DCBLD1: variants seen among roughly 807,000 people sequenced by gnomAD.
The protein encoded by DCBLD1 is discoidin, CUB and LCCL domain-containing protein 1.
In DCBLD1, 57 loss-of-function variants were observed where a neutral mutation model predicts 71.5. That is an observed-to-expected ratio of 0.80 (90% confidence interval 0.64 to 0.99). The LOEUF is 0.99. Among genes scored for constraint, DCBLD1 ranks in the 50% least tolerant of loss-of-function variants. The probability of loss-of-function intolerance (pLI) is 0.00; values close to 1 mark genes in which losing one functional copy is unlikely to be tolerated. For synonymous variants in DCBLD1, 380 were observed against 363.8 expected, an observed-to-expected ratio of 1.04 and a Z score of -0.51; for missense variants, 891 against 923.5, an observed-to-expected ratio of 0.96 and a Z score of 0.46.
chr6:117,488,599 G>A (rs888702199), intron 1 of DCBLD1, among the ~76,000 whole-genome samples: 1 of 152,158 alleles, frequency 6.6e-6, no homozygotes, highest in Non-Finnish European at 1.5e-5. Context: ...GAGCTGTGAT[G>A]CTGCCACCGT....
At chr6:117,563,374 C>T in intron 14 of DCBLD1, 1 of 1,612,766 alleles carries the variant, frequency 6.2e-7, no homozygotes, top group South Asian at 1.1e-5. Context: ...TTACTGCCTT[C>T]TTATTAAATC....
intron 5 of DCBLD1, 29 bp downstream of exon 5, chr6:117,525,463 T>C: frequency 7.0e-7 from 1 of 1,435,236 alleles, no homozygotes; most frequent in Non-Finnish European, 9.2e-7. Context: ...TGGCAGAGAA[T>C]GAATTAAAAG....
intron 11 of DCBLD1, among the ~76,000 whole-genome samples, chr6:117,541,326 GAA>G: frequency 6.6e-6 from 1 of 151,734 alleles, no homozygotes; most frequent in South Asian, 2.1e-4. Context: ...AAAAAAAATG[GAA>G]ATATAGAAAT....
chr6:117,547,961 C>T lies in DCBLD1; in HGVS notation c.1670C>T (p.Thr557Ile), dbSNP rs1779325776. 1 of 1,550,620 alleles carries T rather than the reference C, an allele frequency of 6.4e-7. No individual in the cohort carries two copies. Among genetic ancestry groups the T allele is most frequent in the African/African-American group, 1.4e-5 (1 of 73,184 alleles). ...GTGTVTRKGS[T>I]FRPMDTDAEE... is the part of the protein sequence containing the mutation. ...GGGACAGTCACGAGGAAGGGCTCCA[C>T]CTTCCGGCCCATGGACACGGATGCC... Residue 557 changes from threonine to isoleucine, a missense_variant, in exon 15 of 15, where the codon ACC becomes ATC. Physicochemically the swap from Thr to Ile is moderately conservative, Grantham distance 89. Transcript: ENST00000338728.
intron 1 of DCBLD1, among the ~76,000 whole-genome samples, chr6:117,496,431 G>C (rs1163091386): frequency 6.6e-6 from 1 of 152,174 alleles, no homozygotes; most frequent in Non-Finnish European, 1.5e-5. Flanking sequence ...TTGAAGAAGA[G>C]CAAAGTTTCT....
chr6:117,538,548 TGTG>T, intron 7 of DCBLD1, 69 bp from the exon 8 acceptor site: 1 of 1,392,516 alleles, frequency 7.2e-7, no homozygotes, highest in Non-Finnish European at 1.0e-6. Flanking sequence ...CTAGGTGAGA[TGTG>T]GTACTACTTT....
At chr6:117,559,707 G>GTGTT (rs1201788091) in intron 14 of DCBLD1, among the ~76,000 whole-genome samples, 3 of 152,166 alleles carry the variant, frequency 2.0e-5, no homozygotes, top group Non-Finnish European at 4.4e-5. Context: ...TACTTTTAAA[G>GTGTT]TGTTTCTTTA....
chr6:117,532,439 C>A, intron 6 of DCBLD1, 46 bp downstream of exon 6: 1 of 1,516,124 alleles, frequency 6.6e-7, no homozygotes, highest in Non-Finnish European at 8.8e-7. Flanking sequence ...AGAAGGTAAC[C>A]CTGAAGGATA....
At position 117,549,701 on chromosome 6, in the gene DCBLD1, A is replaced by C. The variant is rs563277758; in HGVS notation, c.*1262A>C. ...TGGGGGTGCTGGAAGGTCATGGCAGACTAGCTGCTGGTTAGTGTGGAGGGG... is the reference window on the plus strand; with the variant it reads ...TGGGGGTGCTGGAAGGTCATGGCAGCCTAGCTGCTGGTTAGTGTGGAGGGG... On this transcript the variant is annotated 3_prime_UTR_variant, in exon 15 of 15. Transcript: ENST00000338728. 2.9e-4 allele frequency: 281 copies of C among 985,472 alleles called. No homozygotes were observed. Among genetic ancestry groups the C allele is most frequent in the Middle Eastern group, 1.0e-3 (2 of 1,914 alleles). The allele number at this position is 985,472 out of a possible 1,614,324, so 61.0% of individuals were successfully genotyped here.
chr6:117,487,296 C>G (rs1361294193), intron 1 of DCBLD1, among the ~76,000 whole-genome samples: 1 of 152,100 alleles, frequency 6.6e-6, no homozygotes, highest in Non-Finnish European at 1.5e-5. Flanking sequence ...AGTGAAAACA[C>G]AATTCCTGCC....
Position 117,508,773 on chromosome 6 carries a change from G to C in DCBLD1, c.325+4794G>C, listed in dbSNP as rs183582652. 1.6e-4 allele frequency among the ~76,000 whole-genome samples: 25 copies of C among 152,258 alleles called. No individual in the cohort carries two copies. The East Asian group carries it at 4.8e-3, about 29-fold the overall frequency. ...GACCTCCACACTGGATGGAGTTTGG[G>C]GTGGGTCCGGGACTGCCTGAAGAGC... On this transcript the variant is annotated intron_variant, in intron 2 of 14. Transcript: ENST00000338728.
downstream of DCBLD1, among the ~76,000 whole-genome samples, chr6:117,550,371 T>G (rs1779408123): frequency 6.6e-6 from 1 of 152,228 alleles, no homozygotes; most frequent in Non-Finnish European, 1.5e-5. Context: ...AGAAAAATTT[T>G]ACATCTTTCT....
chr6:117,561,392 C>T (rs1779581441), intron 14 of DCBLD1: 1 of 224,408 alleles, frequency 4.5e-6, no homozygotes. Flanking sequence ...CATGGCCATT[C>T]CATCCCAGGC....
chr6:117,516,312 G>T (rs975908373), intron 2 of DCBLD1, among the ~76,000 whole-genome samples: 11 of 149,858 alleles, frequency 7.3e-5, no homozygotes, highest in Non-Finnish European at 1.2e-4. Flanking sequence ...AGTGAGCCGA[G>T]ATCATGCCAC....
Position 117,548,538 on chromosome 6 carries a change from G to GTGTGTGTGTACACTTGCA in DCBLD1, c.*109_*126dup. The GTGTGTGTGTACACTTGCA allele has an allele frequency of 6.6e-7, 1 of 1,509,396 alleles. No individual in the cohort carries two copies. Among genetic ancestry groups the GTGTGTGTGTACACTTGCA allele is most frequent in the African/African-American group, 1.4e-5 (1 of 72,344 alleles). The allele number at this position is 1,509,396 out of a possible 1,614,324, so 93.5% of individuals were successfully genotyped here. A position where few individuals can be genotyped will look rare whatever the true frequency, so the allele number is the denominator to read the frequency against. ...TGGTCCAGAGTGTGCGTGTGTATCG[G>GTGTGTGTGTACACTTGCA]TGTGTGTGTACACTTGCATGTGTGT... On this transcript the variant is annotated 3_prime_UTR_variant, in exon 15 of 15. Transcript: ENST00000338728.
At chr6:117,544,639 T>C in intron 13 of DCBLD1, 62 bp downstream of exon 13, 2 of 1,594,030 alleles carry the variant, frequency 1.3e-6, no homozygotes, top group East Asian at 2.2e-5. Context: ...GATCTGCTGA[T>C]TGAAAGCATA....
chr6:117,499,679 A>G (rs1490734864), intron 1 of DCBLD1, among the ~76,000 whole-genome samples: 2 of 152,186 alleles, frequency 1.3e-5, no homozygotes, highest in Non-Finnish European at 2.9e-5. Flanking sequence ...ACAATACCAT[A>G]TCACAACCAG....
At chr6:117,537,463 G>A (rs1425448331) in intron 7 of DCBLD1, among the ~76,000 whole-genome samples, 7 of 151,472 alleles carry the variant, frequency 4.6e-5, no homozygotes, top group Admixed American at 3.3e-4. Flanking sequence ...GAACCCGGGA[G>A]GCGGAGCTTG....
intron 7 of DCBLD1, among the ~76,000 whole-genome samples, chr6:117,537,453 G>A (rs1234085656): frequency 6.6e-6 from 1 of 150,972 alleles, no homozygotes; most frequent in Non-Finnish European, 1.5e-5. Flanking sequence ...AGAATGGCGT[G>A]AACCCGGGAG....
Sources: gnomAD v4.1 joint callset for allele counts (sites outside exome capture counted in the v4.1 genomes callset) on GRCh38, gnomAD v4.1.1 for gene constraint, MANE v1.5 for transcripts, NCBI Gene and HGNC (gene_info 2026-07-23, HGNC 2026-07-21) for gene names.